The following XPO7 variants were observed in gnomAD, a reference collection of about 807,000 sequenced individuals.
XPO7 encodes the protein exportin 7.
Under a neutral mutation model 144.3 loss-of-function variants are expected in XPO7, and 21 were observed. That is an observed-to-expected ratio of 0.15 (90% confidence interval 0.10 to 0.21). The LOEUF is 0.21. Ranked by LOEUF, XPO7 falls within the 10% of genes least tolerant of loss-of-function variation. The pLI, the probability that XPO7 is intolerant of heterozygous loss-of-function variation, is 1.00. For synonymous variants in XPO7, 580 were observed against 499.6 expected (o/e 1.16, Z -2.15); for missense variants, 808 against 1,325.8 (o/e 0.61, Z 6.06).
At chr8:21,938,218 T>C (rs1433214564) in intron 1 of XPO7, among the ~76,000 whole-genome samples, 1 of 152,218 alleles carries the variant, frequency 6.6e-6, no homozygotes, top group African/African-American at 2.4e-5. Context: ...ATATTTAATA[T>C]GTTAGATGAT....
chr8:21,921,116 T>G (rs1810268100), intron 1 of XPO7, among the ~76,000 whole-genome samples: 1 of 152,170 alleles, frequency 6.6e-6, no homozygotes, highest in Non-Finnish European at 1.5e-5. Flanking sequence ...AATTCAGAAG[T>G]GACAGTAAAA....
At chr8:22,004,964 C>A in intron 27 of XPO7, 31 bp from the exon 28 acceptor site, 1 of 1,342,278 alleles carries the variant, frequency 7.5e-7, no homozygotes, top group Non-Finnish European at 1.0e-6. Flanking sequence ...CCCCACTCTC[C>A]TCCCCCAACC....
chr8:21,984,817 A>G lies in XPO7; in HGVS notation c.1449A>G (p.Pro483=), dbSNP rs769851769. Residue 483 remains proline (P), a synonymous_variant, in exon 12 of 28, where the codon CCA becomes CCG. Coordinates refer to ENST00000252512, the MANE Select transcript of XPO7 (RefSeq NM_015024.5). ...QELLQSASAS[P]MDIAVQEGRL... is the part of the protein sequence containing the mutation. The stretch of plus-strand genomic sequence containing the variant: ...TGCTACAGAGCGCCAGCGCAAGCCC[A>G]ATGGACATTGCAGTGCAGGAGGGTG... 2 of 1,613,906 alleles carry G rather than the reference A, an allele frequency of 1.2e-6. No individual in the cohort carries two copies. The highest frequency in any genetic ancestry group is 8.5e-7 in the Non-Finnish European group (1 of 1,179,886).
chr8:21,993,710 T>C (rs1478199075), intron 19 of XPO7, among the ~76,000 whole-genome samples: 3 of 152,112 alleles, frequency 2.0e-5, no homozygotes, highest in African/African-American at 7.2e-5. Context: ...TTTCTGCAAA[T>C]GGAGAGTACT....
chr8:22,004,005 A>G lies in XPO7; in HGVS notation c.3145A>G (p.Asn1049Asp), dbSNP rs772566756. 2 of 1,613,916 alleles carry G rather than the reference A, an allele frequency of 1.2e-6. No homozygotes were observed. Among genetic ancestry groups the G allele is most frequent in the Admixed American group, 1.7e-5 (1 of 60,016 alleles). Reference protein sequence around the residue: ...FENLMEGIERNLLTKNRDRFT... With the variant: ...FENLMEGIERDLLTKNRDRFT... ...GAACCTGATGGAAGGCATCGAGCGA[A>G]ATCTTCTTACGAAAAACAGAGACAG... The change falls in exon 27 of 28, where the codon AAT becomes GAT. Residue 1049 changes from asparagine to aspartate, a missense_variant. Asn to Asp is a conservative substitution (Grantham distance 23). Around this residue, in one of 5 missense-constraint regions of XPO7, gnomAD observed 140 missense variants for 237.9 expected, o/e 0.59. Coordinates refer to ENST00000252512, the MANE Select transcript of XPO7 (RefSeq NM_015024.5).
chr8:21,974,063 T>C (rs1216276264), intron 5 of XPO7, among the ~76,000 whole-genome samples: 1 of 135,212 alleles, frequency 7.4e-6, no homozygotes, highest in Admixed American at 7.1e-5. Flanking sequence ...AAAGAGTTGT[T>C]ACTCTGTCTG....
In XPO7 at chr8:21,982,934, A is replaced by G. The variant is rs573412249; in HGVS notation, c.1277+122A>G. The G allele has an allele frequency of 5.7e-6, 7 of 1,234,124 alleles. No homozygotes were observed. The South Asian group carries it at 7.9e-5, about 14-fold the overall frequency. 76.4% of individuals were successfully genotyped at this position (1,234,124 alleles called of 1,614,324 possible). On this transcript the variant is annotated intron_variant, in intron 11 of 27. Transcript: ENST00000252512. ...TGTCTCATTGGAGCCACTACTGTTCATGGTTCTTCTTCCTTGTCAGCAGAG... is the reference window on the plus strand; with the variant it reads ...TGTCTCATTGGAGCCACTACTGTTCGTGGTTCTTCTTCCTTGTCAGCAGAG...
At chr8:21,987,115 G>C in intron 13 of XPO7, 26 bp from the exon 14 acceptor site, 1 of 1,613,116 alleles carries the variant, frequency 6.2e-7, no homozygotes, top group South Asian at 1.1e-5. Context: ...CTGCTGTTGA[G>C]AGAATCATTG....
Position 21,977,533 on chromosome 8 carries a change from C to T in XPO7, c.764-237C>T, listed in dbSNP as rs188267204. Among the ~76,000 whole-genome samples the T allele has an allele frequency of 4.6e-5, 7 of 152,152 alleles. No homozygotes were observed. In the East Asian group the frequency reaches 7.7e-4, roughly 17 times the overall value. The stretch of plus-strand genomic sequence containing the variant: ...CTGGGAGGCAAAGGTTGCAGTGAGC[C>T]GAGATCTCGCCATTGCACTCCAGCC... On this transcript the variant is annotated intron_variant, in intron 7 of 27. Coordinates refer to ENST00000252512, the MANE Select transcript of XPO7 (RefSeq NM_015024.5).
intron 1 of XPO7, among the ~76,000 whole-genome samples, chr8:21,948,403 A>G (rs1005988638): frequency 1.3e-5 from 2 of 152,244 alleles, no homozygotes; most frequent in Non-Finnish European, 2.9e-5. Flanking sequence ...TTTGTAGCCT[A>G]GGAGCAGTAG....
At chr8:21,992,073 T>C (rs1369973421) in intron 19 of XPO7, 99 bp downstream of exon 19, 1 of 816,130 alleles carries the variant, frequency 1.2e-6, no homozygotes, top group Admixed American at 3.1e-5. Flanking sequence ...TGCCATAGCT[T>C]TTTTTAATGT....
chr8:21,974,555 T>A, intron 5 of XPO7, 115 bp from the exon 6 acceptor site: 2 of 671,860 alleles, frequency 3.0e-6, no homozygotes, highest in South Asian at 4.3e-5. Context: ...GTTAAAAATG[T>A]ATTTTATGTT....
intron 2 of XPO7, among the ~76,000 whole-genome samples, chr8:21,967,749 T>C: frequency 6.6e-6 from 1 of 152,206 alleles, no homozygotes; most frequent in East Asian, 1.9e-4. Flanking sequence ...AACAGTGACC[T>C]TGACAATGAA....
Position 21,984,769 on chromosome 8 carries a change from G to A in XPO7, c.1401G>A (p.Gln467=), listed in dbSNP as rs1563332664. The part of the protein sequence containing the change: ...TCALLVQLFD[Q]SAQSYQELLQ... Reference sequence around the variant, plus strand: ...CACTCCTCGTGCAGTTGTTTGACCAGTCGGCCCAGTCGTACCAGGAGCTGC... The same window carrying A: ...CACTCCTCGTGCAGTTGTTTGACCAATCGGCCCAGTCGTACCAGGAGCTGC... The change falls in exon 12 of 28, where the codon CAG becomes CAA. Residue 467 remains glutamine (Q), a synonymous_variant. Coordinates refer to ENST00000252512, the MANE Select transcript of XPO7 (RefSeq NM_015024.5). The A allele has an allele frequency of 6.2e-7, 1 of 1,614,034 alleles. No individual in the cohort carries two copies. The highest frequency in any genetic ancestry group is 1.3e-5 in the African/African-American group (1 of 75,054).
chr8:21,919,784 T>A lies in XPO7; in HGVS notation c.14T>A (p.Val5Glu). The change falls in exon 1 of 28, where the codon GTG (valine) becomes GAG (glutamate). Residue 5 changes from valine to glutamate, a missense_variant. Physicochemically the swap from Val to Glu is moderately radical, Grantham distance 121 (BLOSUM62 -2). Transcript: ENST00000252512. ...GAATGGAGCAAAATGGCGGATCATG[T>A]GCAGGTGAGAGGAGCCGCGGGGGGG... Reference protein sequence around the residue: MADHVQSLAQLENLC... With the variant: MADHEQSLAQLENLC... 1 of 548,086 alleles carries A rather than the reference T, an allele frequency of 1.8e-6. No homozygotes were observed. Among genetic ancestry groups the A allele is most frequent in the Non-Finnish European group, 2.7e-6 (1 of 377,050 alleles). The allele number at this position is 548,086 out of a possible 1,614,324, so 34.0% of individuals were successfully genotyped here. A position where few individuals can be genotyped will look rare whatever the true frequency, so the allele number is the denominator to read the frequency against.
chr8:21,942,104 C>A (rs890469907), intron 1 of XPO7, among the ~76,000 whole-genome samples: 1 of 152,120 alleles, frequency 6.6e-6, no homozygotes, highest in African/African-American at 2.4e-5. Context: ...GGAGAAGATA[C>A]AAAGGTAGCA....
intron 1 of XPO7, among the ~76,000 whole-genome samples, chr8:21,928,018 G>A (rs1810518501): frequency 6.6e-6 from 1 of 152,160 alleles, no homozygotes; most frequent in Admixed American, 6.5e-5. Flanking sequence ...TCCATTTAAA[G>A]TGTACAAATT....
intron 1 of XPO7, among the ~76,000 whole-genome samples, chr8:21,931,433 C>G (rs1810647292): frequency 6.6e-6 from 1 of 152,134 alleles, no homozygotes; most frequent in Non-Finnish European, 1.5e-5. Context: ...TCGTGAGCCA[C>G]CGTACCTGGC....
chr8:21,969,896 G>A, intron 3 of XPO7: 1 of 549,144 alleles, frequency 1.8e-6, no homozygotes, highest in Non-Finnish European at 3.2e-6. Flanking sequence ...TAGCTACCTA[G>A]GGATAGAGTC....
Sources: allele counts gnomAD v4.1 joint callset (sites outside exome capture counted in the v4.1 genomes callset), GRCh38; gene constraint gnomAD v4.1.1; regional missense constraint gnomAD v4.1.1; transcripts MANE v1.5; gene names NCBI Gene and HGNC (gene_info 2026-07-23, HGNC 2026-07-21).